IL3RA: variants seen among roughly 807,000 people sequenced by gnomAD.
IL3RA encodes the protein interleukin 3 receptor subunit alpha.
In IL3RA, 73 loss-of-function variants were observed where a neutral mutation model predicts 52.3. The observed-to-expected ratio is 1.40, with a 90% CI of 1.16 to 1.70. IL3RA has a LOEUF of 1.70. Among genes scored for constraint, IL3RA ranks in the 40% most tolerant of loss-of-function variants. The pLI is 0.00. For missense variants in IL3RA, 664 were observed against 504.4 expected, an observed-to-expected ratio of 1.32 and a Z score of -3.03; for synonymous variants, 260 against 194.0, an observed-to-expected ratio of 1.34 and a Z score of -2.83.
chrX:1,346,561 T>C lies in IL3RA; in HGVS notation c.183+1127T>C, dbSNP rs17884225. 6.0e-3 allele frequency among the ~76,000 whole-genome samples: 914 copies of C among 151,980 alleles called. 31 individuals carry two copies. The highest frequency in any genetic ancestry group is 0.021 in the African/African-American group (882 of 41,328). On this transcript the variant is annotated intron_variant, in intron 3 of 11. Transcript: ENST00000331035. ...GGCCGAGGTTGCACTGAGCCGAGATTGTGCCACTGCACTCCAGCCTGGGTG... is the reference window on the plus strand; with the variant it reads ...GGCCGAGGTTGCACTGAGCCGAGATCGTGCCACTGCACTCCAGCCTGGGTG...
intron 3 of IL3RA, among the ~76,000 whole-genome samples, chrX:1,345,996 T>G (rs767755672): frequency 3.8e-4 from 57 of 151,918 alleles, no homozygotes; most frequent in Non-Finnish European, 6.5e-4. Flanking sequence ...GAAAGTGAAA[T>G]GAGGCTAAGC....
At chrX:1,368,066 C>G (rs1428799398) in intron 9 of IL3RA, among the ~76,000 whole-genome samples, 1 of 151,952 alleles carries the variant, frequency 6.6e-6, no homozygotes, top group Non-Finnish European at 1.5e-5. Flanking sequence ...GAGACCATCC[C>G]GGCTAACACG....
At chrX:1,345,775 T>C (rs7392104) in intron 3 of IL3RA, among the ~76,000 whole-genome samples, 37,402 of 151,444 alleles carry the variant, frequency 0.25, 4,948 homozygotes, top group Middle Eastern at 0.43. Context: ...CAGGCGCGAG[T>C]CACCGCGCAT....
rs201270577 is a variant in IL3RA at position 1,382,471 on chromosome X, G to A, written c.*6G>A. 2.5e-6 allele frequency: 4 copies of A among 1,613,584 alleles called. No individual in the cohort carries two copies. In the East Asian group the frequency reaches 8.9e-5, roughly 36 times the overall value. On this transcript the variant is annotated 3_prime_UTR_variant, in exon 12 of 12. Coordinates refer to ENST00000331035, the MANE Select transcript of IL3RA (RefSeq NM_002183.4). Reference sequence around the variant, plus strand: ...AGGTCGTGCAGAAAACTTGAGACTGGGGTTCAGGGCTTGTGGGGGTCTGCC... The same window carrying A: ...AGGTCGTGCAGAAAACTTGAGACTGAGGTTCAGGGCTTGTGGGGGTCTGCC...
At chrX:1,353,852 T>G in intron 6 of IL3RA, among the ~76,000 whole-genome samples, 1 of 132,928 alleles carries the variant, frequency 7.5e-6, no homozygotes, top group South Asian at 2.3e-4. Context: ...ACCCCCATCA[T>G]GGGTTTCATC....
chrX:1,345,348 A>G lies in IL3RA; in HGVS notation c.97A>G (p.Lys33Glu). The part of the protein sequence containing the change: ...PNPPITNLRM[K>E]AKAQQLTWDL... ...CCCACCAATCACGAACCTAAGGATG[A>G]AAGCAAAGGCTCAGCAGTTGACCTG... The change falls in exon 3 of 12, where the codon AAA becomes GAA. Residue 33 changes from lysine to glutamate, a missense_variant. By Grantham distance (56) the Lys-to-Glu change is moderately conservative. Coordinates refer to ENST00000331035, the MANE Select transcript of IL3RA (RefSeq NM_002183.4). 6.2e-7 allele frequency: 1 copy of G among 1,611,482 alleles called. No individual in the cohort carries two copies.
intron 7 of IL3RA, 39 bp downstream of exon 7, chrX:1,356,375 G>C: frequency 7.9e-7 from 1 of 1,272,176 alleles, no homozygotes; most frequent in Non-Finnish European, 1.1e-6. Context: ...CCACCCCCGT[G>C]GACATCCCTT....
At chrX:1,345,054 A>C (rs1375627836) in intron 2 of IL3RA, among the ~76,000 whole-genome samples, 1 of 151,184 alleles carries the variant, frequency 6.6e-6, no homozygotes, top group Non-Finnish European at 1.5e-5. Context: ...CTGTAGTCCC[A>C]GCTACTCGGG....
chrX:1,367,509 AGCCGGGTGC>A (rs2088195183), intron 9 of IL3RA, among the ~76,000 whole-genome samples: 1 of 53,110 alleles, frequency 1.9e-5, no homozygotes, highest in African/African-American at 1.0e-4. Context: ...GCGCGGGGTG[AGCCGGGTGC>A]GCGGGGTGCG....
At chrX:1,347,954 A>G (rs577031285) in intron 3 of IL3RA, among the ~76,000 whole-genome samples, 211 of 146,146 alleles carry the variant, frequency 1.4e-3, no homozygotes, top group East Asian at 4.4e-3. Context: ...GGAGAATGGC[A>G]TGAACCCGGG....
intron 6 of IL3RA, among the ~76,000 whole-genome samples, chrX:1,354,059 C>G: frequency 6.7e-6 from 1 of 149,580 alleles, no homozygotes. Context: ...TGGGTCCCAC[C>G]ATGGGTCATG....
intron 8 of IL3RA, among the ~76,000 whole-genome samples, chrX:1,359,539 CCTCT>C (rs1478794133): frequency 6.1e-5 from 9 of 148,112 alleles, no homozygotes; most frequent in East Asian, 2.0e-4. Flanking sequence ...TTTTTCCCTC[CCTCT>C]ATCTTTCTGG....
rs750132808 is a variant in IL3RA at position 1,365,237 on chromosome X, A to AC, written c.865dup (p.Gln289ProfsTer59). ...GTATGAATTCTTGAGCGCCTGGAGC[A>AC]CCCCCCAGCGCTTCGGTGAGTGGGC... On this transcript the variant is annotated frameshift_variant, in exon 9 of 12. Transcript: ENST00000331035. LOFTEE classifies it high-confidence loss of function. 83 of 1,588,460 alleles carry AC rather than the reference A, an allele frequency of 5.2e-5. No homozygotes were observed. The highest frequency in any genetic ancestry group is 4.7e-5 in the Non-Finnish European group (55 of 1,165,618).
At position 1,352,416 on chromosome X, in the gene IL3RA, G is replaced by A. The variant is rs779580768; in HGVS notation, c.526G>A (p.Gly176Ser). 3.1e-6 allele frequency: 5 copies of A among 1,613,828 alleles called. No individual in the cohort carries two copies. Among genetic ancestry groups the A allele is most frequent in the African/African-American group, 1.3e-5 (1 of 75,022 alleles). Residue 176 changes from glycine (G) to serine (S), a missense_variant, in exon 6 of 12, where the codon GGT (glycine) becomes AGT (serine). Transcript: ENST00000331035. ...CGATGACATCTCTCGACTCTCCAGC[G>A]GTTCTCAAAGTTCCCACATCCTGGT... ...RFDDISRLSS[G>S]SQSSHILVRG... is the part of the protein sequence containing the mutation.
intron 4 of IL3RA, 94 bp from the exon 5 acceptor site, chrX:1,352,006 C>T: frequency 6.8e-7 from 1 of 1,479,546 alleles, no homozygotes; most frequent in Non-Finnish European, 9.1e-7. Context: ...CTCATGTGAT[C>T]CACCCGCCTC....
chrX:1,362,128 ATG>A (rs1411172134), intron 8 of IL3RA, among the ~76,000 whole-genome samples: 16 of 109,708 alleles, frequency 1.5e-4, no homozygotes, highest in African/African-American at 5.5e-4. Context: ...TTGTCTCTCT[ATG>A]TCTCTCTGTT....
At chrX:1,341,943 A>C (rs2085512974) in intron 2 of IL3RA, 114 bp downstream of exon 2, 1 of 1,040,036 alleles carries the variant, frequency 9.6e-7, no homozygotes, top group Non-Finnish European at 1.5e-6. Context: ...CTCATGGCAG[A>C]GTCTCATGCA....
chrX:1,380,860 G>T (rs2089145330), intron 10 of IL3RA, among the ~76,000 whole-genome samples, 163 bp from the exon 11 acceptor site: 2 of 151,808 alleles, frequency 1.3e-5, no homozygotes, highest in South Asian at 4.2e-4. Context: ...TGATGGTCGG[G>T]GGCGTGTCAG....
In IL3RA at chrX:1,382,627, G is replaced by A; in HGVS notation, c.*162G>A. 1.5e-6 allele frequency: 1 copy of A among 676,086 alleles called. No homozygotes were observed. The highest frequency in any genetic ancestry group is 2.7e-6 in the Non-Finnish European group (1 of 372,992). 41.9% of individuals were successfully genotyped at this position (676,086 alleles called of 1,614,324 possible). On this transcript the variant is annotated 3_prime_UTR_variant, in exon 12 of 12. Coordinates refer to ENST00000331035, the MANE Select transcript of IL3RA (RefSeq NM_002183.4). ...TGTGTAATTTCGTCCGAAGCTGCCAGGAAGAAGAACAGAACTTTGTGTGTT... is the reference window on the plus strand; with the variant it reads ...TGTGTAATTTCGTCCGAAGCTGCCAAGAAGAAGAACAGAACTTTGTGTGTT...
Sources: gnomAD v4.1 joint callset for allele counts (sites outside exome capture counted in the v4.1 genomes callset) on GRCh38, gnomAD v4.1.1 for gene constraint, MANE v1.5 for transcripts, NCBI Gene and HGNC (gene_info 2026-07-23, HGNC 2026-07-21) for gene names.